Variants in TLCD3B observed in about 807,000 individuals in gnomAD.
The protein encoded by TLCD3B is ceramide synthase.
Under a neutral mutation model 23.0 loss-of-function variants are expected in TLCD3B, and 9 were observed. The observed-to-expected ratio is 0.39, with a 90% confidence interval of 0.24 to 0.68. The LOEUF (loss-of-function observed/expected upper bound fraction) is 0.68. Among genes scored for constraint, TLCD3B ranks in the 30% least tolerant of loss-of-function variants. TLCD3B has a pLI of 0.44. For synonymous variants in TLCD3B, 161 were observed against 161.0 expected (o/e 1.00, Z 0.00); for missense variants, 307 against 371.8 (o/e 0.83, Z 1.43).
At chr16:30,042,341 C>T (rs1357795393) in intron 2 of TLCD3B, among the ~76,000 whole-genome samples, 2 of 152,026 alleles carry the variant, frequency 1.3e-5, no homozygotes, top group South Asian at 2.1e-4. Flanking sequence ...TGGGTTCAAG[C>T]GATTCTCCTG....
intron 2 of TLCD3B, 125 bp from the exon 3 acceptor site, chr16:30,026,968 T>TC (rs2071171583): frequency 1.3e-6 from 1 of 792,272 alleles, no homozygotes; most frequent in East Asian, 2.7e-5. Context: ...AGATGAGGGA[T>TC]CCAGAGGGTA....
intron 1 of TLCD3B, among the ~76,000 whole-genome samples, chr16:30,049,949 A>C (rs531368134): frequency 2.8e-4 from 43 of 151,260 alleles, no homozygotes; most frequent in South Asian, 2.3e-3. Context: ...GAGAAAGAAA[A>C]GAAATGGGGC....
Position 30,025,832 on chromosome 16 carries a change from A to G in TLCD3B, c.445-11T>C. On this transcript the variant is annotated splice_polypyrimidine_tract_variant and intron_variant, in intron 3 of 4. Transcript: ENST00000380495. The surrounding 1 kb of genome is among the most constrained non-coding windows in gnomAD (Gnocchi z 4.1). ...ACCCTGTCGCCACACCTGGGCACAGAGGCAGGAAGGTGAGGAGCTGGGGCT... is the reference window on the plus strand; with the variant it reads ...ACCCTGTCGCCACACCTGGGCACAGGGGCAGGAAGGTGAGGAGCTGGGGCT... The G allele has an allele frequency of 6.2e-7, 1 of 1,609,858 alleles. No individual in the cohort carries two copies. The highest frequency in any genetic ancestry group is 8.5e-7 in the Non-Finnish European group (1 of 1,176,514).
Position 30,026,861 on chromosome 16 carries a change from G to A in TLCD3B, c.210-18C>T, listed in dbSNP as rs771650426. On this transcript the variant is annotated intron_variant, in intron 2 of 4. Transcript: ENST00000380495. Reference sequence around the variant, plus strand: ...GCCAGTGTCTGTTGGGCAGAGAGACGGGGTGGGGGAGCAAGGAGGAAAGGG... The same window carrying A: ...GCCAGTGTCTGTTGGGCAGAGAGACAGGGTGGGGGAGCAAGGAGGAAAGGG... 13 of 1,607,770 alleles carry A rather than the reference G, an allele frequency of 8.1e-6. No homozygotes were observed. The highest frequency in any genetic ancestry group is 4.4e-5 in the South Asian group (4 of 90,622).
intron 1 of TLCD3B, among the ~76,000 whole-genome samples, chr16:30,052,137 C>T (rs1413380690): frequency 3.3e-5 from 5 of 152,096 alleles, no homozygotes; most frequent in African/African-American, 1.2e-4. Context: ...GAGGCCAAGG[C>T]GGGCGGGATT....
At chr16:30,030,091 C>A in intron 1 of TLCD3B, 1 of 1,386,886 alleles carries the variant, frequency 7.2e-7, no homozygotes. Context: ...TGGCCCTGGC[C>A]TCAGTCCCTA....
At chr16:30,035,481 C>A (rs2071450526), upstream of TLCD3B, 2 of 1,289,382 alleles carry the variant, frequency 1.6e-6, no homozygotes, top group Non-Finnish European at 2.0e-6. Context: ...GTCATGCCTG[C>A]CTGCAGCCAA....
In TLCD3B at chr16:30,024,678, A is replaced by G. The variant is rs1157694562; in HGVS notation, c.*505T>C. ...AACAGACTAGTTCAAATTTGGGTAA[A>G]TAAATAAAATAAATAAGATTCCTCA... is the stretch of plus-strand genomic sequence containing the variant. On this transcript the variant is annotated 3_prime_UTR_variant, in exon 5 of 5. Coordinates refer to ENST00000380495, the MANE Select transcript of TLCD3B (RefSeq NM_031478.6). 5.3e-6 allele frequency: 1 copy of G among 187,622 alleles called. No individual in the cohort carries two copies. Among genetic ancestry groups the G allele is most frequent in the African/African-American group, 2.4e-5 (1 of 42,516 alleles). 11.6% of individuals were successfully genotyped at this position (187,622 alleles called of 1,614,324 possible).
chr16:30,051,716 T>G (rs559623784), intron 1 of TLCD3B, among the ~76,000 whole-genome samples: 1 of 152,046 alleles, frequency 6.6e-6, no homozygotes, highest in African/African-American at 2.4e-5. Flanking sequence ...AAGTATCTTG[T>G]GAGAAGTGCG....
At chr16:30,040,570 G>A (rs1392469945) in intron 3 of TLCD3B, among the ~76,000 whole-genome samples, 1 of 151,982 alleles carries the variant, frequency 6.6e-6, no homozygotes, top group Non-Finnish European at 1.5e-5. Context: ...GAAGGTGGGA[G>A]AGGGAAAAAG....
At chr16:30,045,440 G>C (rs553204556) in intron 2 of TLCD3B, among the ~76,000 whole-genome samples, 1 of 142,362 alleles carries the variant, frequency 7.0e-6, no homozygotes, top group African/African-American at 2.6e-5. Flanking sequence ...TGTGGTGTGT[G>C]TGTGGTGCAT....
At chr16:30,027,589 G>A (rs1387403232) in intron 2 of TLCD3B, 10 of 456,104 alleles carry the variant, frequency 2.2e-5, no homozygotes, top group Admixed American at 2.1e-4. Context: ...TGTCTATTTT[G>A]TGTTGTTTTT....
At chr16:30,044,092 G>C (rs183248598) in intron 2 of TLCD3B, among the ~76,000 whole-genome samples, 28 of 151,280 alleles carry the variant, frequency 1.9e-4, no homozygotes, top group Admixed American at 1.4e-3. Context: ...CGCCTCCCAG[G>C]TTCAAGCGAT....
chr16:30,034,922 T>C (rs1220525236), upstream of TLCD3B, among the ~76,000 whole-genome samples: 2 of 151,348 alleles, frequency 1.3e-5, no homozygotes, highest in African/African-American at 4.8e-5. Flanking sequence ...TTTCTTTTTT[T>C]TTTTTTTGAG....
intron 3 of TLCD3B, among the ~76,000 whole-genome samples, chr16:30,040,147 A>AAAAAAAT: frequency 0.012 from 1,161 of 95,814 alleles, 17 homozygotes; most frequent in East Asian, 0.04. Context: ...AAAAAAAAAA[A>AAAAAAAT]ATATATATAT....
Position 30,037,309 on chromosome 16 carries a change from G to T in TLCD3B, c.-66-1095C>A, listed in dbSNP as rs1294403509. ...TGTAATCCCAGCACTTTGGGAGGCCGAGGCGGGCAGATCACGGGGTCAGGA... is the reference window on the plus strand; with the variant it reads ...TGTAATCCCAGCACTTTGGGAGGCCTAGGCGGGCAGATCACGGGGTCAGGA... On this transcript the variant is annotated intron_variant, in intron 3 of 6. Transcript: ENST00000561666. Among the ~76,000 whole-genome samples, 5 of 151,688 alleles carry T rather than the reference G, an allele frequency of 3.3e-5. No individual in the cohort carries two copies. The East Asian group carries it at 9.7e-4, about 30-fold the overall frequency.
intron 2 of TLCD3B, among the ~76,000 whole-genome samples, chr16:30,044,825 A>G (rs1016808688): frequency 6.6e-6 from 1 of 152,148 alleles, no homozygotes; most frequent in Non-Finnish European, 1.5e-5. Flanking sequence ...TCAAGCCTGT[A>G]ATCCCAGCAC....
intron 2 of TLCD3B, among the ~76,000 whole-genome samples, chr16:30,042,993 A>G (rs1288505014): frequency 6.6e-6 from 1 of 152,050 alleles, no homozygotes; most frequent in Non-Finnish European, 1.5e-5. Context: ...CCAGCTACTC[A>G]GGAAGCTGAG....
chr16:30,040,115 C>A (rs1215200904), intron 3 of TLCD3B, among the ~76,000 whole-genome samples: 1 of 126,606 alleles, frequency 7.9e-6, no homozygotes, highest in Non-Finnish European at 1.6e-5. Context: ...ATCTGGGCAA[C>A]ACAGCAAGAC....
Sources: gnomAD v4.1 joint callset for allele counts (sites outside exome capture counted in the v4.1 genomes callset) on GRCh38, gnomAD v4.1.1 for gene constraint, Gnocchi (gnomAD v3.1) non-coding constraint, MANE v1.5 for transcripts, NCBI Gene and HGNC (gene_info 2026-07-23, HGNC 2026-07-21) for gene names.